C10orf67: variants seen among roughly 807,000 people sequenced by gnomAD.
C10orf67 encodes the protein chromosome 10 open reading frame 67, also known as uncharacterized protein C10orf67, mitochondrial.
C10orf67 carries 60 observed loss-of-function variants against 35.6 expected under a neutral mutation model. That is an observed-to-expected ratio of 1.68 (90% CI 1.37 to 2.09). The LOEUF is 2.09. C10orf67 is among the 30% of genes most tolerant of loss of function. C10orf67 has a pLI of 0.00. For missense variants in C10orf67, 474 were observed against 330.2 expected, an observed-to-expected ratio of 1.44 and a Z score of -3.38; for synonymous variants, 167 against 115.8, an observed-to-expected ratio of 1.44 and a Z score of -2.84.
rs199742085 is a variant in C10orf67 at position 23,252,304 on chromosome 10, TG to T, written c.1201-1614del. Among the ~76,000 whole-genome samples, 226 of 152,356 alleles carry T rather than the reference TG, an allele frequency of 1.5e-3. No individual in the cohort carries two copies. In the East Asian group the frequency reaches 0.022, roughly 15 times the overall value. On this transcript the variant is annotated intron_variant, in intron 10 of 15. Coordinates refer to ENST00000636213, the MANE Select transcript of C10orf67 (RefSeq NM_001371909.1). ...TTGTTCCTTTTAATAAATTGTTCTT[TG>T]GTTCAGACTGTTCGTTTTTCATAGC... is the stretch of plus-strand genomic sequence containing the variant.
intron 1 of C10orf67, among the ~76,000 whole-genome samples, chr10:23,335,954 T>C (rs1013900843): frequency 2.0e-5 from 3 of 152,164 alleles, no homozygotes; most frequent in African/African-American, 7.2e-5. Context: ...TCTACCTTCT[T>C]TTGCCTTCCA....
chr10:23,207,074 T>C (rs977139872), intron 15 of C10orf67, among the ~76,000 whole-genome samples: 1 of 152,010 alleles, frequency 6.6e-6, no homozygotes, highest in Non-Finnish European at 1.5e-5. Flanking sequence ...AGGCCACCAA[T>C]TACAGCTCAC....
At chr10:23,316,392 T>G (rs1270892580) in intron 4 of C10orf67, among the ~76,000 whole-genome samples, 1 of 152,214 alleles carries the variant, frequency 6.6e-6, no homozygotes, top group Non-Finnish European at 1.5e-5. Context: ...GTCACAACAC[T>G]GGCTCAGGGA....
At chr10:23,325,922 C>T (rs1433807395) in intron 2 of C10orf67, among the ~76,000 whole-genome samples, 1 of 152,000 alleles carries the variant, frequency 6.6e-6, no homozygotes, top group African/African-American at 2.4e-5. Context: ...ATTTGAACTT[C>T]ACTGAAAGTA....
chr10:23,261,542 C>T (rs1842750562), intron 10 of C10orf67, among the ~76,000 whole-genome samples: 1 of 152,152 alleles, frequency 6.6e-6, no homozygotes, highest in Admixed American at 6.5e-5. Context: ...AAACTCCTAG[C>T]CTCAAGTGAT....
intron 4 of C10orf67, among the ~76,000 whole-genome samples, chr10:23,311,481 G>A (rs1844491798): frequency 6.6e-6 from 1 of 152,174 alleles, no homozygotes; most frequent in Admixed American, 6.5e-5. Flanking sequence ...GGAGGCCGAG[G>A]TGGGTGGATC....
At chr10:23,245,345 A>T (rs1233019289) in intron 12 of C10orf67, among the ~76,000 whole-genome samples, 1 of 152,210 alleles carries the variant, frequency 6.6e-6, no homozygotes, top group African/African-American at 2.4e-5. Context: ...AGCAACAAAA[A>T]ACAAGAACGA....
At chr10:23,249,166 CTGATACGTTCTTGTAAATCATCACTGAA>C (rs1389936917) in intron 12 of C10orf67, among the ~76,000 whole-genome samples, 1 of 110,040 alleles carries the variant, frequency 9.1e-6, no homozygotes, top group Non-Finnish European at 1.9e-5. Flanking sequence ...AAAAAGAAAA[CTGATACGTTCTTGTAAATCATCACTGAA>C]GAATAGGGTA....
chr10:23,215,692 GA>G (rs566609271), intron 15 of C10orf67, among the ~76,000 whole-genome samples: 121 of 151,894 alleles, frequency 8.0e-4, no homozygotes, highest in African/African-American at 2.8e-3. Context: ...GGAATTCAGG[GA>G]AAAAAATTAT....
chr10:23,224,158 T>C (rs990878031), intron 13 of C10orf67, among the ~76,000 whole-genome samples: 4 of 152,210 alleles, frequency 2.6e-5, no homozygotes, highest in African/African-American at 9.6e-5. Context: ...CCCACATGGC[T>C]GGGTACCCCT....
chr10:23,234,302 T>C (rs1301890389), intron 13 of C10orf67, among the ~76,000 whole-genome samples: 1 of 152,188 alleles, frequency 6.6e-6, no homozygotes, highest in African/African-American at 2.4e-5. Context: ...TACTGGATAA[T>C]GAAAATGTGG....
intron 4 of C10orf67, among the ~76,000 whole-genome samples, chr10:23,319,384 AT>A (rs772383166): frequency 1.7e-4 from 26 of 151,388 alleles, no homozygotes; most frequent in African/African-American, 5.3e-4. Context: ...TATGTACCAC[AT>A]TTTTTTTTAT....
In C10orf67 at chr10:23,242,822, GAGA is replaced by G. The variant is rs531803491; in HGVS notation, c.1347-3009_1347-3007del. Among the ~76,000 whole-genome samples the G allele has an allele frequency of 1.1e-3, 171 of 152,110 alleles. 1 individual carries two copies. The highest frequency in any genetic ancestry group is 3.8e-3 in the African/African-American group (158 of 41,530). ...TTGGTTCAAAACAAGGCAAAAAGGA[GAGA>G]AGAAGAAATATAAAACAGGTCAAAT... On this transcript the variant is annotated intron_variant, in intron 12 of 15. Coordinates refer to ENST00000636213, the MANE Select transcript of C10orf67 (RefSeq NM_001371909.1).
chr10:23,295,491 A>T (rs12358964), intron 5 of C10orf67, among the ~76,000 whole-genome samples: 29,854 of 152,224 alleles, frequency 0.2, 3,216 homozygotes, highest in Admixed American at 0.3. Flanking sequence ...GGATTTGTGC[A>T]TTTCCTTATA....
chr10:23,205,101 T>G (rs1210577113), intron 15 of C10orf67, among the ~76,000 whole-genome samples: 1 of 152,220 alleles, frequency 6.6e-6, no homozygotes, highest in Non-Finnish European at 1.5e-5. Context: ...CGTGACAACC[T>G]CGGCTTTCAA....
chr10:23,342,615 GCAGGACAC>G (rs1356939705), intron 1 of C10orf67, among the ~76,000 whole-genome samples: 1 of 152,170 alleles, frequency 6.6e-6, no homozygotes, highest in African/African-American at 2.4e-5. Flanking sequence ...GGAGTCCAGG[GCAGGACAC>G]CATTCCTATC....
chr10:23,247,683 C>T (rs924351828), intron 12 of C10orf67, among the ~76,000 whole-genome samples: 7 of 152,100 alleles, frequency 4.6e-5, no homozygotes, highest in African/African-American at 9.7e-5. Context: ...AAAGACAACA[C>T]AAATTATCAA....
chr10:23,264,274 TAACAAAGTGTAAG>T (rs1842829706), intron 10 of C10orf67, among the ~76,000 whole-genome samples: 1 of 152,210 alleles, frequency 6.6e-6, no homozygotes, highest in African/African-American at 2.4e-5. Flanking sequence ...ATATTACACT[TAACAAAGTGTAAG>T]TGACGGTAAT....
At chr10:23,343,992 G>A (rs1846029827) in intron 1 of C10orf67, 2 of 447,804 alleles carry the variant, frequency 4.5e-6, no homozygotes, top group South Asian at 3.2e-5. Flanking sequence ...AGTCGCCCCA[G>A]TTCGCCATTG....
Sources: allele counts gnomAD v4.1 joint callset (sites outside exome capture counted in the v4.1 genomes callset), GRCh38; gene constraint gnomAD v4.1.1; transcripts MANE v1.5; gene names NCBI Gene and HGNC (gene_info 2026-07-23, HGNC 2026-07-21).